EPS15: variants seen among roughly 807,000 people sequenced by gnomAD.
EPS15 encodes the protein epidermal growth factor receptor pathway substrate 15.
EPS15 carries 72 observed loss-of-function variants against 113.8 expected under a neutral mutation model. The ratio of observed to expected loss-of-function variants is 0.63; its 90% CI spans 0.52 to 0.77. The LOEUF is 0.77. EPS15 is among the 30% of genes least tolerant of loss of function. The pLI is 0.00. For missense variants in EPS15, 1,048 were observed against 1,045.8 expected, an observed-to-expected ratio of 1.00 and a Z score of -0.03; for synonymous variants, 344 against 363.4, an observed-to-expected ratio of 0.95 and a Z score of 0.61.
intron 21 of EPS15, among the ~76,000 whole-genome samples, chr1:51,390,343 A>G (rs1647239837): frequency 6.6e-6 from 1 of 152,136 alleles, no homozygotes; most frequent in Admixed American, 6.6e-5. Context: ...TAAACGTTAG[A>G]CCTAAAACCA....
Position 51,481,281 on chromosome 1 carries a change from A to T in EPS15, c.67T>A (p.Tyr23Asn), listed in dbSNP as rs1007058538. 6.6e-6 allele frequency: 9 copies of T among 1,368,896 alleles called. No homozygotes were observed. The highest frequency in any genetic ancestry group is 9.4e-6 in the Non-Finnish European group (9 of 959,914). The allele number at this position is 1,368,896 out of a possible 1,614,324, so 84.8% of individuals were successfully genotyped here. ...SSGNPVYEKY[Y>N]RQVDTGNTGR... ...TGAAACAAAAATCTTACCTGTCTAT[A>T]GTATTTTTCATATACAGGATTCCCA... Residue 23 changes from tyrosine to asparagine, a missense_variant, in exon 2 of 25, where the codon TAT becomes AAT. By Grantham distance (143) the Tyr-to-Asn change is moderately radical (BLOSUM62 -2). Transcript: ENST00000371733.
chr1:51,465,243 G>C lies in EPS15; in HGVS notation c.375+18C>G. 6.4e-7 allele frequency: 1 copy of C among 1,551,684 alleles called. No homozygotes were observed. The highest frequency in any genetic ancestry group is 1.4e-5 in the African/African-American group (1 of 73,554). On this transcript the variant is annotated intron_variant, in intron 6 of 24. Transcript: ENST00000371733. ...GAAGCAATGAAGGGGTGAGAGAATA[G>C]TTACAAAGTTTACTTACTTTTACAG...
chr1:51,372,377 G>A, intron 21 of EPS15: 1 of 536,630 alleles, frequency 1.9e-6, no homozygotes, highest in African/African-American at 1.9e-5. Flanking sequence ...TTGTTGGTGT[G>A]CTTTTGGGGT....
rs769026360 is a variant in EPS15 at position 51,399,133 on chromosome 1, C to A, written c.1951G>T (p.Asp651Tyr). 1.2e-6 allele frequency: 2 copies of A among 1,614,028 alleles called. No individual in the cohort carries two copies. The highest frequency in any genetic ancestry group is 8.5e-7 in the Non-Finnish European group (1 of 1,179,966). The change falls in exon 20 of 25, where the codon GAT becomes TAT. Residue 651 changes from aspartate to tyrosine, a missense_variant. Coordinates refer to ENST00000371733, the MANE Select transcript of EPS15 (RefSeq NM_001981.3). The part of the protein sequence containing the change: ...PFGGDPFKGS[D>Y]PFASDCFFRQ... ...AAGAAACAGTCTGATGCAAATGGATCTGAACCTTTGAAAGGATCACCACCA... is the reference window on the plus strand; with the variant it reads ...AAGAAACAGTCTGATGCAAATGGATATGAACCTTTGAAAGGATCACCACCA...
intron 8 of EPS15, among the ~76,000 whole-genome samples, chr1:51,453,682 T>A (rs1653753441): frequency 6.6e-6 from 1 of 152,158 alleles, no homozygotes; most frequent in East Asian, 1.9e-4. Context: ...ATAATAAAAG[T>A]ATCAAACTCC....
intron 8 of EPS15, among the ~76,000 whole-genome samples, chr1:51,454,757 G>A (rs927446932): frequency 9.9e-5 from 15 of 152,158 alleles, no homozygotes; most frequent in Non-Finnish European, 1.8e-4. Flanking sequence ...AAAAACTGGC[G>A]AAACCCAAAT....
intron 21 of EPS15, among the ~76,000 whole-genome samples, chr1:51,378,696 T>C (rs1349067616): frequency 1.3e-5 from 2 of 152,234 alleles, no homozygotes; most frequent in Non-Finnish European, 2.9e-5. Flanking sequence ...ATTAACGAGA[T>C]GTAGTTCTTA....
At chr1:51,357,697 T>G (rs530907678) in intron 24 of EPS15, among the ~76,000 whole-genome samples, 5 of 150,030 alleles carry the variant, frequency 3.3e-5, no homozygotes, top group Non-Finnish European at 5.9e-5. Context: ...TACATCATAT[T>G]AAAGTATTGG....
chr1:51,477,458 T>G (rs1643931566), intron 2 of EPS15, among the ~76,000 whole-genome samples: 1 of 152,252 alleles, frequency 6.6e-6, no homozygotes, highest in South Asian at 2.1e-4. Flanking sequence ...TTTCCTTCAG[T>G]TCTGCTCTCA....
chr1:51,481,971 A>G (rs922303794), intron 1 of EPS15, among the ~76,000 whole-genome samples: 7 of 152,128 alleles, frequency 4.6e-5, no homozygotes, highest in African/African-American at 1.4e-4. Flanking sequence ...AGAGTTTGAG[A>G]CCAGCCTGGG....
rs1052306613 is a variant in EPS15, at chr1:51,440,411, C to T, written c.976G>A (p.Val326Ile). ...LQKNIIGSSP[V>I]ADFSAIKELD... Reference sequence around the variant, plus strand: ...TCCTTAATAGCAGAGAAATCTGCAACAGGACTTGATCCTATGATGTTCTAA... The same window carrying T: ...TCCTTAATAGCAGAGAAATCTGCAATAGGACTTGATCCTATGATGTTCTAA... Residue 326 changes from valine to isoleucine, a missense_variant, in exon 12 of 25, where the codon GTT (valine) becomes ATT (isoleucine). Val to Ile is a conservative substitution (Grantham distance 29). Coordinates refer to ENST00000371733, the MANE Select transcript of EPS15 (RefSeq NM_001981.3). 6.3e-7 allele frequency: 1 copy of T among 1,584,692 alleles called. No homozygotes were observed. The highest frequency in any genetic ancestry group is 8.6e-7 in the Non-Finnish European group (1 of 1,159,630).
At chr1:51,500,515 T>C (rs1235530522) in intron 1 of EPS15, among the ~76,000 whole-genome samples, 1 of 152,076 alleles carries the variant, frequency 6.6e-6, no homozygotes, top group South Asian at 2.1e-4. Context: ...TTCATTGTGG[T>C]TTTTGTTTGT....
intron 19 of EPS15, among the ~76,000 whole-genome samples, chr1:51,400,569 A>G (rs1648418469): frequency 4.0e-5 from 6 of 151,192 alleles, no homozygotes; most frequent in Admixed American, 4.0e-4. Flanking sequence ...TGCTGGCATG[A>G]GCCTGTAGAC....
At chr1:51,403,329 T>A in intron 17 of EPS15, 90 bp downstream of exon 17, 1 of 682,632 alleles carries the variant, frequency 1.5e-6, no homozygotes, top group South Asian at 1.9e-5. Context: ...ATAATGTATA[T>A]TGTACCCATT....
At chr1:51,423,290 G>C in intron 12 of EPS15, 1 of 1,286,658 alleles carries the variant, frequency 7.8e-7, no homozygotes, top group Non-Finnish European at 1.0e-6. Flanking sequence ...GTTGCAGCCC[G>C]ATCCTTCCAT....
At chr1:51,480,970 A>G (rs567794832) in intron 2 of EPS15, among the ~76,000 whole-genome samples, 28 of 152,342 alleles carry the variant, frequency 1.8e-4, no homozygotes, top group African/African-American at 6.7e-4. Context: ...CTTAAAAACA[A>G]CATAGAAGTT....
chr1:51,490,339 G>A, intron 1 of EPS15: 1 of 438,582 alleles, frequency 2.3e-6, no homozygotes, highest in Non-Finnish European at 4.6e-6. Context: ...GCCAAAGCGG[G>A]CAAATCACGA....
intron 1 of EPS15, among the ~76,000 whole-genome samples, chr1:51,487,707 A>T (rs1644151026): frequency 6.6e-6 from 1 of 152,232 alleles, no homozygotes; most frequent in African/African-American, 2.4e-5. Flanking sequence ...CTCACATTAC[A>T]GGTTCATTGG....
intron 2 of EPS15, among the ~76,000 whole-genome samples, chr1:51,481,018 T>C (rs1026763842): frequency 1.3e-5 from 2 of 152,250 alleles, no homozygotes; most frequent in Admixed American, 1.3e-4. Flanking sequence ...TATTTATATC[T>C]GGATAAATCT....
Sources: gnomAD v4.1 joint callset for allele counts (sites outside exome capture counted in the v4.1 genomes callset) on GRCh38, gnomAD v4.1.1 for gene constraint, MANE v1.5 for transcripts, NCBI Gene and HGNC (gene_info 2026-07-23, HGNC 2026-07-21) for gene names.